Variants in AACS observed in about 807,000 individuals in gnomAD.
AACS encodes acetoacetyl-CoA synthetase.
In AACS, 69 loss-of-function variants were observed where a neutral mutation model predicts 83.1. That is an observed-to-expected ratio of 0.83 (90% CI 0.68 to 1.01). The LOEUF (loss-of-function observed/expected upper bound fraction) is 1.01, where lower values mean the gene tolerates loss of function less well. AACS is among the 50% of genes least tolerant of loss of function. The pLI is 0.00. For synonymous variants in AACS, 333 were observed against 343.4 expected (o/e 0.97, Z 0.33); for missense variants, 866 against 882.2 (o/e 0.98, Z 0.23).
rs766845698 is a variant in AACS at position 125,107,231 on chromosome 12, C to T, written c.878C>T (p.Thr293Ile). 7 of 1,614,082 alleles carry T rather than the reference C, an allele frequency of 4.3e-6. No homozygotes were observed. Among genetic ancestry groups the T allele is most frequent in the South Asian group, 1.1e-5 (1 of 91,090 alleles). ...HPLFIMFSSGTTGAPKCMVHS... is the reference protein window; with the variant it reads ...HPLFIMFSSGITGAPKCMVHS... ...CTGTTCATCATGTTCTCATCGGGCA[C>T]CACGGGCGCACCCAAGTGCATGGTG... Residue 293 changes from threonine (T) to isoleucine (I), a missense_variant, in exon 8 of 18, where the codon ACC becomes ATC. Transcript: ENST00000316519.
chr12:125,094,978 C>CGTGTGTGT lies in AACS; in HGVS notation c.570+3494_570+3501dup, dbSNP rs57643228. On this transcript the variant is annotated intron_variant, in intron 5 of 17. Coordinates refer to ENST00000316519, the MANE Select transcript of AACS (RefSeq NM_023928.5). This position sits in a 1 kb window ranked among gnomAD's most constrained non-coding sequence, Gnocchi z 4.1. Reference sequence around the variant, plus strand: ...TCCTCCTGAAGTGCCATCAGGTGGCCGTGTGTGTGTGTGTGTGTGTGTGTG... The same window carrying CGTGTGTGT: ...TCCTCCTGAAGTGCCATCAGGTGGCCGTGTGTGTGTGTGTGTGTGTGTGTGTGTGTGTG... Among the ~76,000 whole-genome samples, 7 of 145,344 alleles carry CGTGTGTGT rather than the reference C, an allele frequency of 4.8e-5. No homozygotes were observed. Among genetic ancestry groups the CGTGTGTGT allele is most frequent in the Admixed American group, 6.8e-5 (1 of 14,632 alleles).
intron 1 of AACS, among the ~76,000 whole-genome samples, chr12:125,073,640 A>G (rs1219935616): frequency 6.6e-6 from 1 of 152,204 alleles, no homozygotes; most frequent in Non-Finnish European, 1.5e-5. Context: ...GGTAGTTAAG[A>G]TATAAAATCA....
In AACS at chr12:125,107,022, T is replaced by TG. The variant is rs988247788; in HGVS notation, c.768-94dup. On this transcript the variant is annotated intron_variant, in intron 7 of 17. Transcript: ENST00000316519. ...CGTCCCCCTGGAATCCTGGCTTTTCTGGGGGTAGAAACAGAGGGAAGTGCA... is the reference window on the plus strand; with the variant it reads ...CGTCCCCCTGGAATCCTGGCTTTTCTGGGGGGTAGAAACAGAGGGAAGTGCA... The TG allele has an allele frequency of 2.6e-6, 4 of 1,541,626 alleles. No individual in the cohort carries two copies. The African/African-American group carries it at 4.1e-5, about 16-fold the overall frequency.
At chr12:125,069,944 G>T (rs773008340) in intron 1 of AACS, among the ~76,000 whole-genome samples, 1 of 152,180 alleles carries the variant, frequency 6.6e-6, no homozygotes, top group Non-Finnish European at 1.5e-5. Context: ...TGCAGCTGAC[G>T]GCTGTAACTT....
intron 14 of AACS, among the ~76,000 whole-genome samples, chr12:125,131,188 G>A (rs1957324727): frequency 1.3e-5 from 2 of 152,114 alleles, no homozygotes; most frequent in Admixed American, 1.3e-4. Context: ...TAAGAACAGA[G>A]GACATAGCAT....
chr12:125,130,973 A>G lies in AACS; in HGVS notation c.1549+1513A>G, dbSNP rs1957321802. The stretch of plus-strand genomic sequence containing the variant: ...ATAGGCTGCACTTAGACCCTTCCTC[A>G]AGCACCAGCGCTGAGAGATTCTTGG... On this transcript the variant is annotated intron_variant, in intron 14 of 17. Transcript: ENST00000316519. The surrounding 1 kb of genome is among the most constrained non-coding windows in gnomAD (Gnocchi z 4.9). Among the ~76,000 whole-genome samples the G allele has an allele frequency of 1.3e-5, 2 of 152,290 alleles. No homozygotes were observed. Among genetic ancestry groups the G allele is most frequent in the South Asian group, 2.1e-4 (1 of 4,824 alleles).
At chr12:125,084,038 C>T (rs1956266796) in intron 3 of AACS, among the ~76,000 whole-genome samples, 1 of 152,116 alleles carries the variant, frequency 6.6e-6, no homozygotes, top group African/African-American at 2.4e-5. Context: ...CTTAGAAGGT[C>T]ACCTTCTGGC....
In AACS at chr12:125,107,148, C is replaced by T. The variant is rs183531491; in HGVS notation, c.795C>T (p.Thr265=). Residue 265 remains threonine (T), a synonymous_variant, in exon 8 of 18, where the codon ACC becomes ACT. Coordinates refer to ENST00000316519, the MANE Select transcript of AACS (RefSeq NM_023928.5). Reference sequence around the variant, plus strand: ...TGTTTCTGGATGACTTTCTTGCCACCGGCACCAGTGAGCAGGCCCCGCAGC... The same window carrying T: ...TGTTTCTGGATGACTTTCTTGCCACTGGCACCAGTGAGCAGGCCCCGCAGC... ...NSVFLDDFLA[T]GTSEQAPQLE... The T allele has an allele frequency of 1.5e-5, 25 of 1,614,166 alleles. No individual in the cohort carries two copies. The highest frequency in any genetic ancestry group is 3.3e-4 in the Middle Eastern group (2 of 6,062).
intron 1 of AACS, among the ~76,000 whole-genome samples, chr12:125,066,188 C>G (rs1006546280): frequency 6.6e-6 from 1 of 152,170 alleles, no homozygotes; most frequent in Non-Finnish European, 1.5e-5. Flanking sequence ...GCTGCCCCTG[C>G]TGGAGGCCAG....
chr12:125,081,490 C>G (rs574595464), intron 3 of AACS, among the ~76,000 whole-genome samples: 2 of 152,188 alleles, frequency 1.3e-5, no homozygotes, highest in African/African-American at 2.4e-5. Context: ...TGTTCCTTAC[C>G]CAGCTGGGTG....
At position 125,136,647 on chromosome 12, in the gene AACS, C is replaced by T; in HGVS notation, c.1679-15C>T. 1 of 1,612,226 alleles carries T rather than the reference C, an allele frequency of 6.2e-7. No homozygotes were observed. Among genetic ancestry groups the T allele is most frequent in the Non-Finnish European group, 8.5e-7 (1 of 1,179,448 alleles). ...GGCCCCCTGCGTGAATGTGCACCCT[C>T]TCCTGTCTCCACAGTGGAATCCTTC... On this transcript the variant is annotated splice_polypyrimidine_tract_variant and intron_variant, in intron 16 of 17. Coordinates refer to ENST00000316519, the MANE Select transcript of AACS (RefSeq NM_023928.5).
At chr12:125,111,409 T>C (rs1956950380) in intron 8 of AACS, among the ~76,000 whole-genome samples, 1 of 152,220 alleles carries the variant, frequency 6.6e-6, no homozygotes, top group Non-Finnish European at 1.5e-5. Context: ...GTGCATGTCA[T>C]TTTTTTAAGA....
chr12:125,134,365 T>C (rs112515001), intron 15 of AACS, among the ~76,000 whole-genome samples: 8 of 152,240 alleles, frequency 5.3e-5, no homozygotes, highest in African/African-American at 1.9e-4. Context: ...CATGGCTGAC[T>C]GTCCCTCATC....
intron 3 of AACS, 75 bp downstream of exon 3, chr12:125,076,686 T>C: frequency 6.3e-7 from 1 of 1,580,592 alleles, no homozygotes; most frequent in South Asian, 1.1e-5. Context: ...TGCCACATAT[T>C]TGGAGAGATA....
In AACS at chr12:125,129,744, C is replaced by T. The variant is rs766891556; in HGVS notation, c.1549+284C>T. ...CAGCCCCTGCTGCTGGGAGCTGGCA[C>T]GAGCCTCTGGTTTGCATGTGGGAGG... On this transcript the variant is annotated intron_variant, in intron 14 of 17. Coordinates refer to ENST00000316519, the MANE Select transcript of AACS (RefSeq NM_023928.5). This position sits in a 1 kb window ranked among gnomAD's most constrained non-coding sequence, Gnocchi z 4.3. 5.9e-5 allele frequency among the ~76,000 whole-genome samples: 9 copies of T among 152,184 alleles called. No individual in the cohort carries two copies. Among genetic ancestry groups the T allele is most frequent in the Admixed American group, 1.3e-4 (2 of 15,278 alleles).
Position 125,130,784 on chromosome 12 carries a change from G to A in AACS, c.1549+1324G>A, listed in dbSNP as rs1163209798. ...GTTTTTGTAGTCCTCTTACCTTTAG[G>A]GTAAGATTTTGCTTCTCTTTGAATA... On this transcript the variant is annotated intron_variant, in intron 14 of 17. Coordinates refer to ENST00000316519, the MANE Select transcript of AACS (RefSeq NM_023928.5). This position sits in a 1 kb window ranked among gnomAD's most constrained non-coding sequence, Gnocchi z 4.9. Among the ~76,000 whole-genome samples, 1 of 151,988 alleles carries A rather than the reference G, an allele frequency of 6.6e-6. No homozygotes were observed. Among genetic ancestry groups the A allele is most frequent in the Non-Finnish European group, 1.5e-5 (1 of 68,016 alleles).
chr12:125,121,310 C>T (rs1957149608), intron 10 of AACS: 1 of 152,394 alleles, frequency 6.6e-6, no homozygotes, highest in Non-Finnish European at 1.5e-5. Flanking sequence ...CAGGACACTT[C>T]AGCTCAGTTC....
intron 1 of AACS, among the ~76,000 whole-genome samples, chr12:125,071,123 A>G (rs1565919662): frequency 6.6e-6 from 1 of 152,182 alleles, no homozygotes; most frequent in Non-Finnish European, 1.5e-5. Context: ...ACATGGCGGT[A>G]AGTTAGTGCT....
intron 10 of AACS, chr12:125,121,685 G>A (rs1957154762): frequency 6.6e-6 from 1 of 152,338 alleles, no homozygotes; most frequent in Non-Finnish European, 1.5e-5. Flanking sequence ...TAGTAGTGGG[G>A]CAGGTGTGGA....
Sources: gnomAD v4.1 joint callset for allele counts (sites outside exome capture counted in the v4.1 genomes callset) on GRCh38, gnomAD v4.1.1 for gene constraint, Gnocchi (gnomAD v3.1) non-coding constraint, MANE v1.5 for transcripts, NCBI Gene and HGNC (gene_info 2026-07-23, HGNC 2026-07-21) for gene names.